Variants in SPAG17 observed in about 807,000 individuals in gnomAD.
SPAG17 encodes sperm-associated antigen 17.
In SPAG17, 169 loss-of-function variants were observed where a neutral mutation model predicts 273.6. The ratio of observed to expected loss-of-function variants is 0.62; its 90% CI spans 0.55 to 0.70. The LOEUF (loss-of-function observed/expected upper bound fraction) is 0.70, where lower values mean the gene tolerates loss of function less well. SPAG17 is among the 30% of genes least tolerant of loss of function. The probability of loss-of-function intolerance (pLI) is 0.00; values close to 1 mark genes in which losing one functional copy is unlikely to be tolerated. For synonymous variants in SPAG17, 825 were observed against 873.2 expected, an observed-to-expected ratio of 0.94 and a Z score of 0.97; for missense variants, 2,557 against 2,627.8, an observed-to-expected ratio of 0.97 and a Z score of 0.59.
intron 10 of SPAG17, among the ~76,000 whole-genome samples, chr1:118,090,199 C>A (rs933280161): frequency 1.3e-5 from 2 of 152,138 alleles, no homozygotes; most frequent in African/African-American, 2.4e-5. Flanking sequence ...CAGTGCCTGG[C>A]GCCTGTAAGT....
chr1:118,107,545 T>C (rs1218453856), intron 4 of SPAG17, among the ~76,000 whole-genome samples: 1 of 152,156 alleles, frequency 6.6e-6, no homozygotes, highest in Non-Finnish European at 1.5e-5. Context: ...AAAGTTTTTA[T>C]AGATGAGTCT....
At chr1:118,111,553 AACACACACACACAC>A (rs61266210) in intron 4 of SPAG17, among the ~76,000 whole-genome samples, 1 of 135,858 alleles carries the variant, frequency 7.4e-6, no homozygotes, top group Admixed American at 7.6e-5. Context: ...CTTTTAAAAC[AACACACACACACAC>A]ACACACACAC....
chr1:118,152,844 C>G (rs924399781), intron 1 of SPAG17, among the ~76,000 whole-genome samples: 1 of 152,028 alleles, frequency 6.6e-6, no homozygotes, highest in Non-Finnish European at 1.5e-5. Context: ...CCTTTTTTCT[C>G]TTGTCTGCTT....
chr1:118,065,576 C>A (rs1353442123), intron 18 of SPAG17, among the ~76,000 whole-genome samples: 1 of 151,994 alleles, frequency 6.6e-6, no homozygotes, highest in African/African-American at 2.4e-5. Flanking sequence ...ATTAGCAAAG[C>A]AAATGTGGCA....
chr1:118,119,079 C>T lies in SPAG17; in HGVS notation c.316-3638G>A, dbSNP rs185738083. On this transcript the variant is annotated intron_variant, in intron 3 of 48. Coordinates refer to ENST00000336338, the MANE Select transcript of SPAG17 (RefSeq NM_206996.4). ...GCCCAATGCTTAGAATTGCCCTAGG[C>T]GCTCTCATGGAAACCAAATATATGC... Among the ~76,000 whole-genome samples the T allele has an allele frequency of 1.8e-3, 270 of 152,228 alleles. 2 individuals carry two copies. In the Middle Eastern group the frequency reaches 0.054, roughly 31 times the overall value.
intron 25 of SPAG17, among the ~76,000 whole-genome samples, chr1:118,029,244 A>C (rs925257176): frequency 6.6e-6 from 1 of 152,172 alleles, no homozygotes; most frequent in Admixed American, 6.6e-5. Flanking sequence ...TAAATAAAAT[A>C]AAGTAAAATA....
chr1:118,145,047 T>C (rs1658895575), intron 3 of SPAG17, among the ~76,000 whole-genome samples: 1 of 152,212 alleles, frequency 6.6e-6, no homozygotes, highest in South Asian at 2.1e-4. Flanking sequence ...AGCGCGGGAT[T>C]GAAAAGGCCA....
intron 36 of SPAG17, among the ~76,000 whole-genome samples, chr1:117,992,234 C>CA (rs1279391866): frequency 6.6e-6 from 1 of 152,114 alleles, no homozygotes; most frequent in South Asian, 2.1e-4. Context: ...TAATCATTTA[C>CA]AAAAAATTCT....
chr1:118,035,143 T>C (rs1557937002), intron 24 of SPAG17, among the ~76,000 whole-genome samples: 1 of 152,208 alleles, frequency 6.6e-6, no homozygotes, highest in African/African-American at 2.4e-5. Context: ...TACATACGCA[T>C]ATAATTTTTA....
chr1:118,016,236 T>C (rs1303891417), intron 28 of SPAG17, 54 bp from the exon 29 acceptor site: 7 of 1,370,122 alleles, frequency 5.1e-6, no homozygotes, highest in Non-Finnish European at 7.2e-6. Flanking sequence ...GTATCAATTA[T>C]ATACATCATT....
At chr1:117,977,367 C>T (rs1019276919) in intron 43 of SPAG17, among the ~76,000 whole-genome samples, 5 of 152,100 alleles carry the variant, frequency 3.3e-5, no homozygotes, top group African/African-American at 4.8e-5. Flanking sequence ...TTCCCTACAT[C>T]AGGAATGTAG....
At chr1:118,128,082 G>A (rs1388575321) in intron 3 of SPAG17, among the ~76,000 whole-genome samples, 2 of 151,184 alleles carry the variant, frequency 1.3e-5, no homozygotes, top group South Asian at 2.1e-4. Flanking sequence ...AGACCGCACC[G>A]CTGCACTCCA....
At chr1:118,176,755 T>C (rs536867686) in intron 1 of SPAG17, among the ~76,000 whole-genome samples, 10 of 152,332 alleles carry the variant, frequency 6.6e-5, no homozygotes, top group African/African-American at 2.2e-4. Flanking sequence ...ATACGTTCTT[T>C]TCAGCAGCAC....
chr1:118,038,317 C>A (rs1649327051), intron 23 of SPAG17, among the ~76,000 whole-genome samples: 1 of 152,146 alleles, frequency 6.6e-6, no homozygotes, highest in Non-Finnish European at 1.5e-5. Flanking sequence ...TCATTCATTA[C>A]TGTGGGAATG....
In SPAG17 at chr1:117,989,073, A is replaced by G. The variant is rs139239664; in HGVS notation, c.5522-869T>C. On this transcript the variant is annotated intron_variant, in intron 38 of 48. Coordinates refer to ENST00000336338, the MANE Select transcript of SPAG17 (RefSeq NM_206996.4). The stretch of plus-strand genomic sequence containing the variant: ...CCCAGAGGTTAAAAATTCAAAAGCT[A>G]CAGGGTAGCGTTGCCAGATAAAGTA... 4.1e-3 allele frequency among the ~76,000 whole-genome samples: 623 copies of G among 152,328 alleles called. 5 individuals carry two copies. Among genetic ancestry groups the G allele is most frequent in the African/African-American group, 0.014 (596 of 41,568 alleles).
At chr1:118,075,767 A>G (rs1247068071) in intron 15 of SPAG17, among the ~76,000 whole-genome samples, 1 of 152,108 alleles carries the variant, frequency 6.6e-6, no homozygotes, top group Non-Finnish European at 1.5e-5. Flanking sequence ...CTCCAGATAC[A>G]CTGGCCTGCT....
Position 118,040,779 on chromosome 1 carries a change from A to G in SPAG17, c.3117T>C (p.Tyr1039=). ...CTTCAATCTGCCCCCCATCAGAAGG[A>G]TACAGGTAGTAATTTGACCCTGAGA... The part of the protein sequence containing the change: ...TQISGSNYYL[Y]PSDGGQIEVE... Residue 1039 remains tyrosine, a synonymous_variant, in exon 22 of 49, where the codon TAT becomes TAC. Transcript: ENST00000336338. 6.2e-7 allele frequency: 1 copy of G among 1,607,352 alleles called. No homozygotes were observed. Among genetic ancestry groups the G allele is most frequent in the East Asian group, 2.2e-5 (1 of 44,850 alleles).
At chr1:118,137,077 C>CT (rs1434543900) in intron 3 of SPAG17, among the ~76,000 whole-genome samples, 1 of 152,168 alleles carries the variant, frequency 6.6e-6, no homozygotes, top group African/African-American at 2.4e-5. Context: ...GAGCCTGTAT[C>CT]TTTTTTTCCC....
At position 118,093,147 on chromosome 1, in the gene SPAG17, C is replaced by T; in HGVS notation, c.1173+9G>A. On this transcript the variant is annotated intron_variant, in intron 8 of 48. Coordinates refer to ENST00000336338, the MANE Select transcript of SPAG17 (RefSeq NM_206996.4). ...TTCATCCCACTAAAGACATTGAGCC[C>T]ATGCCTACCTCTGAAGTTGGCATGG... 6.2e-7 allele frequency: 1 copy of T among 1,610,320 alleles called. No homozygotes were observed. The highest frequency in any genetic ancestry group is 8.5e-7 in the Non-Finnish European group (1 of 1,178,280).
Sources: allele counts gnomAD v4.1 joint callset (sites outside exome capture counted in the v4.1 genomes callset), GRCh38; gene constraint gnomAD v4.1.1; transcripts MANE v1.5; gene names NCBI Gene and HGNC (gene_info 2026-07-23, HGNC 2026-07-21).